The following TTC39B variants were observed in gnomAD, a reference collection of about 807,000 sequenced individuals.
The protein encoded by TTC39B is tetratricopeptide repeat protein 39B.
Under a neutral mutation model 96.6 loss-of-function variants are expected in TTC39B, and 92 were observed. The ratio of observed to expected loss-of-function variants is 0.95; its 90% confidence interval spans 0.80 to 1.13. TTC39B has a LOEUF of 1.13. TTC39B is among the 50% of genes most tolerant of loss of function. The pLI is 0.00. For missense variants in TTC39B, 955 were observed against 809.3 expected (o/e 1.18, Z -2.18); for synonymous variants, 367 against 299.4 (o/e 1.23, Z -2.33).
chr9:15,177,251 T>C (rs1057510037), intron 18 of TTC39B, among the ~76,000 whole-genome samples: 1 of 152,114 alleles, frequency 6.6e-6, no homozygotes, highest in African/African-American at 2.4e-5. Context: ...GAGTATCTCT[T>C]AAGCTCAGGA....
chr9:15,300,028 T>C (rs1824528802), intron 1 of TTC39B, among the ~76,000 whole-genome samples: 1 of 152,204 alleles, frequency 6.6e-6, no homozygotes. Flanking sequence ...TGTCTGTTTG[T>C]TAACCTGAGC....
intron 2 of TTC39B, among the ~76,000 whole-genome samples, chr9:15,228,348 G>A (rs563044): frequency 0.065 from 9,821 of 151,976 alleles, 1,058 homozygotes; most frequent in African/African-American, 0.22. Context: ...CCTGTAATCC[G>A]AGCTACTCAG....
intron 18 of TTC39B, among the ~76,000 whole-genome samples, chr9:15,176,281 C>G (rs1224676358): frequency 6.6e-6 from 1 of 152,136 alleles, no homozygotes; most frequent in Non-Finnish European, 1.5e-5. Flanking sequence ...CTATGAGATT[C>G]ACATACAAAA....
intron 2 of TTC39B, among the ~76,000 whole-genome samples, chr9:15,252,240 T>C (rs1293962790): frequency 6.6e-6 from 1 of 152,202 alleles, no homozygotes; most frequent in East Asian, 1.9e-4. Flanking sequence ...CAAAATTAAT[T>C]AAGTCCAGCT....
chr9:15,185,529 C>T (rs1229195239), intron 15 of TTC39B, 123 bp from the exon 16 acceptor site: 4 of 1,477,746 alleles, frequency 2.7e-6, no homozygotes, highest in Admixed American at 4.3e-5. Flanking sequence ...ACCTGGGAAC[C>T]TATTTGAAAT....
intron 3 of TTC39B, 85 bp from the exon 4 acceptor site, chr9:15,214,334 G>GTC: frequency 2.4e-6 from 2 of 817,560 alleles, no homozygotes; most frequent in East Asian, 2.7e-5. Flanking sequence ...GTGTGTGTGT[G>GTC]TGTGTGTGTG....
intron 1 of TTC39B, among the ~76,000 whole-genome samples, chr9:15,305,476 C>T (rs980742709): frequency 1.3e-5 from 2 of 152,126 alleles, no homozygotes; most frequent in Non-Finnish European, 2.9e-5. Context: ...TAGCATGTAA[C>T]AGAAGCCTAA....
intron 2 of TTC39B, among the ~76,000 whole-genome samples, chr9:15,234,143 G>A (rs1197650401): frequency 1.3e-5 from 2 of 150,920 alleles, no homozygotes; most frequent in African/African-American, 4.9e-5. Flanking sequence ...GAAGTGAGGA[G>A]TCCCTCTGCC....
At chr9:15,289,728 T>G (rs1051872833) in intron 1 of TTC39B, among the ~76,000 whole-genome samples, 1 of 152,232 alleles carries the variant, frequency 6.6e-6, no homozygotes, top group Non-Finnish European at 1.5e-5. Flanking sequence ...ATATTTCCTT[T>G]TGTTCACTCG....
intron 2 of TTC39B, among the ~76,000 whole-genome samples, chr9:15,254,327 T>G (rs1444005187): frequency 1.1e-4 from 16 of 152,126 alleles, no homozygotes; most frequent in Admixed American, 6.5e-5. Flanking sequence ...TAAAAAGTGT[T>G]TTTATAGTTT....
exon 19 of TTC39B, chr9:15,175,039 T>C: frequency 1.9e-6 from 3 of 1,613,644 alleles, no homozygotes; most frequent in South Asian, 2.2e-5. Context: ...CTAGGAACTT[T>C]ATGGCCTTGT....
intron 3 of TTC39B, among the ~76,000 whole-genome samples, chr9:15,218,881 G>C (rs959815426): frequency 3.3e-5 from 5 of 152,036 alleles, no homozygotes; most frequent in African/African-American, 1.2e-4. Context: ...TGATCCTAGA[G>C]AACTAGGCTG....
chr9:15,177,558 C>CAAT, intron 18 of TTC39B, 139 bp downstream of exon 18: 1 of 589,312 alleles, frequency 1.7e-6, no homozygotes, highest in Admixed American at 2.8e-5. Flanking sequence ...ACAACAACAA[C>CAAT]ACACTACTGG....
intron 1 of TTC39B, among the ~76,000 whole-genome samples, chr9:15,290,965 T>C (rs937939557): frequency 6.6e-6 from 1 of 152,224 alleles, no homozygotes; most frequent in African/African-American, 2.4e-5. Flanking sequence ...AAAGGAGTAA[T>C]GCAAAGCACA....
intron 2 of TTC39B, 73 bp downstream of exon 2, chr9:15,267,841 A>G: frequency 7.2e-7 from 1 of 1,384,604 alleles, no homozygotes; most frequent in East Asian, 2.3e-5. Context: ...AATGAGAATG[A>G]AATATTTACT....
At position 15,293,535 on chromosome 9, in the gene TTC39B, T is replaced by G. The variant is rs145886321; in HGVS notation, c.240+13549A>C. 3.9e-3 allele frequency among the ~76,000 whole-genome samples: 589 copies of G among 152,214 alleles called. 2 individuals carry two copies. Among genetic ancestry groups the G allele is most frequent in the African/African-American group, 0.013 (538 of 41,506 alleles). The stretch of plus-strand genomic sequence containing the variant: ...CAGAATGGCTGATGTTAAAAGTCCA[T>G]GTTAGGAATGCAAGATCCTAGGACC... On this transcript the variant is annotated intron_variant, in intron 1 of 19. Transcript: ENST00000512701.
At chr9:15,195,582 A>G (rs776156147) in intron 8 of TTC39B, among the ~76,000 whole-genome samples, 1 of 150,470 alleles carries the variant, frequency 6.6e-6, no homozygotes, top group Non-Finnish European at 1.5e-5. Flanking sequence ...AGGCAGGAGA[A>G]TCACTTGAAC....
chr9:15,233,968 C>A (rs1234140208), intron 2 of TTC39B, among the ~76,000 whole-genome samples: 1 of 150,894 alleles, frequency 6.6e-6, no homozygotes, highest in Admixed American at 6.6e-5. Flanking sequence ...TCTGCCCCGC[C>A]GCCCATCGTC....
exon 20 of TTC39B, chr9:15,168,249 G>A (rs1489137255): frequency 6.6e-6 from 1 of 152,174 alleles, no homozygotes; most frequent in African/African-American, 2.4e-5. Context: ...AGACTGAGGG[G>A]AAACAACACG....
Sources: gnomAD v4.1 joint callset for allele counts (sites outside exome capture counted in the v4.1 genomes callset) on GRCh38, gnomAD v4.1.1 for gene constraint, MANE v1.5 for transcripts, NCBI Gene and HGNC (gene_info 2026-07-23, HGNC 2026-07-21) for gene names.